ATP2B4: variants seen among roughly 807,000 people sequenced by gnomAD.
ATP2B4 encodes ATPase plasma membrane Ca2+ transporting 4.
A neutral mutation model predicts 110.3 loss-of-function variants in ATP2B4; 39 were observed. That is an observed-to-expected ratio of 0.35 (90% confidence interval 0.27 to 0.46). ATP2B4 has a LOEUF of 0.46. Ranked by LOEUF, ATP2B4 falls within the 20% of genes least tolerant of loss-of-function variation. The pLI, the probability that ATP2B4 is intolerant of heterozygous loss-of-function variation, is 1.00. For missense variants in ATP2B4, 1,135 were observed against 1,530.9 expected, an observed-to-expected ratio of 0.74 and a Z score of 4.32; for synonymous variants, 538 against 571.7, an observed-to-expected ratio of 0.94 and a Z score of 0.84.
chr1:203,668,446 A>G (rs1558024509), intron 1 of ATP2B4, among the ~76,000 whole-genome samples: 1 of 151,816 alleles, frequency 6.6e-6, no homozygotes, highest in Admixed American at 6.6e-5. Flanking sequence ...ACTATAACTG[A>G]CTTTTGTATT....
At chr1:203,665,645 C>T (rs917310542) in intron 1 of ATP2B4, among the ~76,000 whole-genome samples, 3 of 151,890 alleles carry the variant, frequency 2.0e-5, no homozygotes, top group Non-Finnish European at 4.4e-5. Flanking sequence ...ACTAAAAATA[C>T]AAAAATTAGC....
At chr1:203,640,164 C>G (rs1487967791) in intron 1 of ATP2B4, among the ~76,000 whole-genome samples, 1 of 152,050 alleles carries the variant, frequency 6.6e-6, no homozygotes, top group Non-Finnish European at 1.5e-5. Context: ...TCCGGTGACC[C>G]CCTCTTCCTA....
chr1:203,648,451 T>C (rs546834597), intron 1 of ATP2B4, among the ~76,000 whole-genome samples: 1 of 152,248 alleles, frequency 6.6e-6, no homozygotes, highest in East Asian at 1.9e-4. Flanking sequence ...CCTGTGCTTG[T>C]GGTGGGCCAC....
rs1177926983 is a variant in ATP2B4, at chr1:203,660,093, AAAAAAAAG to A, written c.-464-22645_-464-22638del. ...CAAGACTCCATCTCAAAAAAAAAAAAAAAAAAAGAAAGAAAGAAAGAAAGAAACTTGTC... is the reference window on the plus strand; with the variant it reads ...CAAGACTCCATCTCAAAAAAAAAAAAAAAGAAAGAAAGAAAGAAACTTGTC... On this transcript the variant is annotated intron_variant, in intron 1 of 20. Coordinates refer to ENST00000357681, the MANE Select transcript of ATP2B4 (RefSeq NM_001684.5). Among the ~76,000 whole-genome samples, 1,062 of 147,936 alleles carry A rather than the reference AAAAAAAAG, an allele frequency of 7.2e-3. 13 individuals carry two copies. Among genetic ancestry groups the A allele is most frequent in the African/African-American group, 0.026 (997 of 38,422 alleles).
intron 1 of ATP2B4, among the ~76,000 whole-genome samples, chr1:203,636,436 C>A (rs1663441019): frequency 6.6e-6 from 1 of 152,172 alleles, no homozygotes; most frequent in African/African-American, 2.4e-5. Flanking sequence ...TGGGGCTAGG[C>A]CCTACATGAC....
At chr1:203,718,623 A>G (rs1666228171) in intron 15 of ATP2B4, among the ~76,000 whole-genome samples, 1 of 152,120 alleles carries the variant, frequency 6.6e-6, no homozygotes, top group Admixed American at 6.6e-5. Context: ...AACTTCCCTG[A>G]TTTTATGTTT....
rs574830023 is a variant in ATP2B4, at chr1:203,691,887, A to C, written c.194-6270A>C. ...TTGGGGTTTTTTAAAATTAATTTTA[A>C]CTTTTTTTTTTTGAGATGGAGTCTG... On this transcript the variant is annotated intron_variant, in intron 2 of 20. Transcript: ENST00000357681. Among the ~76,000 whole-genome samples, 142 of 151,560 alleles carry C rather than the reference A, an allele frequency of 9.4e-4. 1 individual carries two copies. The highest frequency in any genetic ancestry group is 3.2e-3 in the African/African-American group (133 of 41,382).
At chr1:203,672,067 G>A (rs1302187183) in intron 1 of ATP2B4, among the ~76,000 whole-genome samples, 1 of 152,222 alleles carries the variant, frequency 6.6e-6, no homozygotes, top group Non-Finnish European at 1.5e-5. Context: ...AGACAAAGTG[G>A]CTTTGTCTCT....
chr1:203,671,458 C>A (rs1664659649), intron 1 of ATP2B4, among the ~76,000 whole-genome samples: 1 of 152,218 alleles, frequency 6.6e-6, no homozygotes, highest in Admixed American at 6.5e-5. Flanking sequence ...ACCGCACCTG[C>A]CTCTCCTGCC....
chr1:203,641,501 G>A (rs1663628002), intron 1 of ATP2B4, among the ~76,000 whole-genome samples: 1 of 152,184 alleles, frequency 6.6e-6, no homozygotes, highest in South Asian at 2.1e-4. Context: ...TAAAGATAAT[G>A]CTCTGGTTGA....
chr1:203,689,423 A>G (rs1009173140), intron 2 of ATP2B4, among the ~76,000 whole-genome samples: 3 of 152,234 alleles, frequency 2.0e-5, no homozygotes, highest in Non-Finnish European at 2.9e-5. Flanking sequence ...CTTGGAGGCA[A>G]GGTCTGGGCC....
intron 1 of ATP2B4, among the ~76,000 whole-genome samples, chr1:203,633,064 T>C (rs1663324491): frequency 6.6e-6 from 1 of 152,182 alleles, no homozygotes; most frequent in African/African-American, 2.4e-5. Context: ...ATTTCAAGTC[T>C]GAGACTGGGA....
At chr1:203,667,461 C>T (rs1664541126) in intron 1 of ATP2B4, among the ~76,000 whole-genome samples, 1 of 152,242 alleles carries the variant, frequency 6.6e-6, no homozygotes, top group Non-Finnish European at 1.5e-5. Context: ...TTCCTGTGCT[C>T]TTTTCTTCTT....
chr1:203,725,256 T>G (rs1481075459), intron 19 of ATP2B4, among the ~76,000 whole-genome samples: 1 of 151,736 alleles, frequency 6.6e-6, no homozygotes, highest in Non-Finnish European at 1.5e-5. Flanking sequence ...CAAGCAATTC[T>G]CCTGCCTCAG....
At position 203,709,424 on chromosome 1, in the gene ATP2B4, A is replaced by C; in HGVS notation, c.1681A>C (p.Lys561Gln). 6.2e-7 allele frequency: 1 copy of C among 1,614,164 alleles called. No homozygotes were observed. Among genetic ancestry groups the C allele is most frequent in the Non-Finnish European group, 8.5e-7 (1 of 1,180,032 alleles). The change falls in exon 11 of 21, where the codon AAG becomes CAG. Residue 561 changes from lysine (K) to glutamine (Q), a missense_variant. Lys to Gln is a moderately conservative substitution (Grantham distance 53, BLOSUM62 1). Transcript: ENST00000357681. ...QAVRNEVPEE[K>Q]LYKVYTFNSV... ...TGTGCGTAATGAAGTGCCCGAGGAG[A>C]AGCTCTACAAGGTGTACACCTTTAA...
rs118044552 is a variant in ATP2B4, at chr1:203,665,940, T to C, written c.-464-16802T>C. On this transcript the variant is annotated intron_variant, in intron 1 of 20. Coordinates refer to ENST00000357681, the MANE Select transcript of ATP2B4 (RefSeq NM_001684.5). ...CTATGATTATGGGATTCTTGTTTGA[T>C]GTAGTTGGTGGGAAAAGCAGAGGAC... Among the ~76,000 whole-genome samples, 421 of 152,288 alleles carry C rather than the reference T, an allele frequency of 2.8e-3. 3 individuals are homozygous for C. The East Asian group carries it at 0.034, about 12-fold the overall frequency.
At chr1:203,723,275 T>A (rs1041538703) in intron 18 of ATP2B4, among the ~76,000 whole-genome samples, 1 of 150,504 alleles carries the variant, frequency 6.6e-6, no homozygotes, top group Non-Finnish European at 1.5e-5. Flanking sequence ...TTTTTTTTTT[T>A]AATTTTAAAA....
At position 203,724,865 on chromosome 1, in the gene ATP2B4, C is replaced by CTCTTTTTTTTTTT. The variant is rs1214526316; in HGVS notation, c.3132+878_3132+879insCTTTTTTTTTTTT. 4.9e-5 allele frequency among the ~76,000 whole-genome samples: 5 copies of CTCTTTTTTTTTTT among 101,494 alleles called. 1 individual carries two copies. The highest frequency in any genetic ancestry group is 2.5e-4 in the Admixed American group (2 of 8,104). The allele number at this position is 101,494 out of a possible 152,430, so 66.6% of individuals were successfully genotyped here. A position where few individuals can be genotyped will look rare whatever the true frequency, so the allele number is the denominator to read the frequency against. On this transcript the variant is annotated intron_variant, in intron 19 of 20. Coordinates refer to ENST00000357681, the MANE Select transcript of ATP2B4 (RefSeq NM_001684.5). ...ACTGCCTGGGTTTGAATCCAGCTCT[C>CTCTTTTTTTTTTT]TGTTTTTTTTTTTTTTTTTTTTTTT...
chr1:203,660,359 A>G (rs956996854), intron 1 of ATP2B4, among the ~76,000 whole-genome samples: 3 of 152,192 alleles, frequency 2.0e-5, no homozygotes, highest in African/African-American at 7.2e-5. Flanking sequence ...CTATCACAAA[A>G]GGTAGTAGGT....
Sources: gnomAD v4.1 joint callset for allele counts (sites outside exome capture counted in the v4.1 genomes callset) on GRCh38, gnomAD v4.1.1 for gene constraint, MANE v1.5 for transcripts, NCBI Gene and HGNC (gene_info 2026-07-23, HGNC 2026-07-21) for gene names.